Variants in NCKAP5 observed in about 807,000 individuals in gnomAD.
The protein encoded by NCKAP5 is nck-associated protein 5.
Under a neutral mutation model 167.0 loss-of-function variants are expected in NCKAP5, and 92 were observed. The ratio of observed to expected loss-of-function variants is 0.55; its 90% CI spans 0.47 to 0.66. The LOEUF is 0.66. Ranked by LOEUF, NCKAP5 falls within the 30% of genes least tolerant of loss-of-function variation. The pLI is 0.00. For synonymous variants in NCKAP5, 891 were observed against 877.4 expected (o/e 1.02, Z -0.27); for missense variants, 2,378 against 2,315.0 (o/e 1.03, Z -0.56).
chr2:133,206,449 T>C (rs2085956749), intron 5 of NCKAP5, among the ~76,000 whole-genome samples: 1 of 152,178 alleles, frequency 6.6e-6, no homozygotes, highest in Admixed American at 6.5e-5. Context: ...TTCATGGACA[T>C]TTATCACTTC....
At chr2:133,016,041 A>T (rs1050915028) in intron 6 of NCKAP5, among the ~76,000 whole-genome samples, 5 of 110,648 alleles carry the variant, frequency 4.5e-5, no homozygotes, top group Non-Finnish European at 9.9e-5. Context: ...CTAGGACATG[A>T]ACAAAAAAAA....
In NCKAP5 at chr2:132,963,720, C is replaced by T; in HGVS notation, c.579G>A (p.Glu193=). 6.2e-7 allele frequency: 1 copy of T among 1,613,468 alleles called. No homozygotes were observed. The highest frequency in any genetic ancestry group is 8.5e-7 in the Non-Finnish European group (1 of 1,179,770). The change falls in exon 8 of 20, where the codon GAG becomes GAA. Residue 193 remains glutamate, a splice_region_variant and synonymous_variant. Coordinates refer to ENST00000409261, the MANE Select transcript of NCKAP5 (RefSeq NM_207363.3). ...KLLLERLKAL[E]AENSALALEN... is the part of the protein sequence containing the mutation. ...GTGTAAAAATTGCTTCATTTCTTAC[C>T]TCTAGAGCTTTCAATCTCTCTAATA...
At chr2:132,872,818 G>A (rs1690932454) in intron 9 of NCKAP5, among the ~76,000 whole-genome samples, 1 of 152,220 alleles carries the variant, frequency 6.6e-6, no homozygotes, top group Non-Finnish European at 1.5e-5. Flanking sequence ...AGGCAGCTAG[G>A]AGAAAGCATG....
At chr2:132,921,551 T>C (rs2149006418) in intron 8 of NCKAP5, among the ~76,000 whole-genome samples, 1 of 152,304 alleles carries the variant, frequency 6.6e-6, no homozygotes, top group East Asian at 1.9e-4. Context: ...TATATGATGC[T>C]ATTGGGCATG....
chr2:133,097,750 T>C (rs1169931188), intron 6 of NCKAP5, among the ~76,000 whole-genome samples: 1 of 152,154 alleles, frequency 6.6e-6, no homozygotes, highest in Admixed American at 6.5e-5. Flanking sequence ...CTGCAAAATA[T>C]GAACCCACCT....
At chr2:132,709,272 A>T (rs1299525036) in intron 19 of NCKAP5, among the ~76,000 whole-genome samples, 1 of 152,112 alleles carries the variant, frequency 6.6e-6, no homozygotes, top group Admixed American at 6.5e-5. Context: ...TCAAAAATGA[A>T]CAAGCTTAGT....
At chr2:133,236,366 T>C (rs1050037118) in intron 4 of NCKAP5, among the ~76,000 whole-genome samples, 1 of 152,276 alleles carries the variant, frequency 6.6e-6, no homozygotes, top group Non-Finnish European at 1.5e-5. Context: ...ATAACTACTA[T>C]GAATAAGGAG....
At chr2:133,221,164 TA>T (rs1337184786) in intron 4 of NCKAP5, among the ~76,000 whole-genome samples, 1 of 152,142 alleles carries the variant, frequency 6.6e-6, no homozygotes, top group African/African-American at 2.4e-5. Context: ...GAAAATAAAG[TA>T]TAACAAATAA....
chr2:132,761,382 T>G (rs984279590), intron 16 of NCKAP5, among the ~76,000 whole-genome samples: 1 of 152,170 alleles, frequency 6.6e-6, no homozygotes, highest in Admixed American at 6.5e-5. Context: ...CCCAGCACAC[T>G]GGGACCACTG....
chr2:133,603,903 C>T, the NCKAP5 span, among the ~76,000 whole-genome samples: 79 of 152,364 alleles, frequency 5.2e-4, no homozygotes, highest in African/African-American at 1.8e-3. Flanking sequence ...AGCAACCAGG[C>T]AGCAGCTGTT....
chr2:132,725,471 A>G (rs1363251447), intron 19 of NCKAP5, among the ~76,000 whole-genome samples, 156 bp downstream of exon 19: 1 of 152,234 alleles, frequency 6.6e-6, no homozygotes, highest in East Asian at 1.9e-4. Context: ...ATGTGCATAG[A>G]CAATCTTCTG....
intron 3 of NCKAP5, among the ~76,000 whole-genome samples, chr2:133,463,917 G>A (rs1442273668): frequency 3.9e-5 from 6 of 152,144 alleles, no homozygotes; most frequent in African/African-American, 1.4e-4. Flanking sequence ...TATTATCTCA[G>A]AAGGCCTACT....
intron 6 of NCKAP5, among the ~76,000 whole-genome samples, chr2:133,092,124 C>G (rs1418598641): frequency 6.6e-6 from 1 of 152,076 alleles, no homozygotes; most frequent in East Asian, 1.9e-4. Flanking sequence ...TCATGTCTAC[C>G]TAGAAAAAAC....
chr2:133,102,235 C>T (rs1007832453), intron 6 of NCKAP5, among the ~76,000 whole-genome samples: 12 of 152,154 alleles, frequency 7.9e-5, no homozygotes, highest in South Asian at 2.1e-4. Flanking sequence ...CAACCTCTGC[C>T]TCCCGGGTTC....
intron 6 of NCKAP5, among the ~76,000 whole-genome samples, chr2:133,071,362 G>A (rs2149553369): frequency 6.6e-6 from 1 of 151,932 alleles, no homozygotes; most frequent in South Asian, 2.1e-4. Context: ...GGAGAATGGT[G>A]TGAACCCGGG....
At chr2:132,696,607 A>G (rs954674413) in intron 19 of NCKAP5, among the ~76,000 whole-genome samples, 3 of 152,198 alleles carry the variant, frequency 2.0e-5, no homozygotes, top group African/African-American at 7.2e-5. Context: ...CTGATTCCAG[A>G]GCCTGTAGTC....
chr2:133,166,509 G>A (rs1475204852), intron 5 of NCKAP5, among the ~76,000 whole-genome samples: 1 of 152,152 alleles, frequency 6.6e-6, no homozygotes, highest in African/African-American at 2.4e-5. Context: ...CTAGTGTAAA[G>A]ATGAAGGTCT....
intron 2 of NCKAP5, among the ~76,000 whole-genome samples, chr2:133,535,140 G>C (rs959321994): frequency 6.6e-6 from 1 of 152,078 alleles, no homozygotes; most frequent in Non-Finnish European, 1.5e-5. Context: ...GTTTTAAAGG[G>C]TTATGTAAAA....
chr2:133,662,568 G>C, the NCKAP5 span, among the ~76,000 whole-genome samples: 3 of 147,918 alleles, frequency 2.0e-5, no homozygotes, highest in African/African-American at 7.4e-5. Context: ...ACCTAAGAGA[G>C]AGTATAAAGA....
Sources: gnomAD v4.1 joint callset for allele counts (sites outside exome capture counted in the v4.1 genomes callset) on GRCh38, gnomAD v4.1.1 for gene constraint, MANE v1.5 for transcripts, NCBI Gene and HGNC (gene_info 2026-07-23, HGNC 2026-07-21) for gene names.